The following SORBS2 variants were observed in gnomAD, a reference collection of about 807,000 sequenced individuals.
SORBS2 encodes the protein sorbin and SH3 domain-containing protein 2.
In SORBS2, 46 loss-of-function variants were observed where a neutral mutation model predicts 97.7. The observed-to-expected ratio is 0.47, with a 90% confidence interval of 0.37 to 0.60. The LOEUF (loss-of-function observed/expected upper bound fraction) is 0.60, where lower values mean the gene tolerates loss of function less well. SORBS2 is among the 20% of genes least tolerant of loss of function. The probability of loss-of-function intolerance (pLI) is 0.00; values close to 1 mark genes in which losing one functional copy is unlikely to be tolerated. For synonymous variants in SORBS2, 476 were observed against 473.4 expected, an observed-to-expected ratio of 1.01 and a Z score of -0.07; for missense variants, 1,316 against 1,282.3, an observed-to-expected ratio of 1.03 and a Z score of -0.40.
intron 1 of SORBS2, among the ~76,000 whole-genome samples, chr4:185,938,389 TAC>T (rs34337257): frequency 0.017 from 2,297 of 136,402 alleles, 20 homozygotes; most frequent in Middle Eastern, 0.037. Flanking sequence ...TGTAGACACA[TAC>T]ACACACACAC....
intron 1 of SORBS2, among the ~76,000 whole-genome samples, chr4:185,927,312 C>T (rs1013923408): frequency 6.6e-6 from 1 of 151,502 alleles, no homozygotes. Flanking sequence ...GATACATGTG[C>T]AGAACATGTA....
chr4:185,741,393 C>CTTTTTTTTTTT (rs1210677956), intron 2 of SORBS2, among the ~76,000 whole-genome samples: 2 of 119,566 alleles, frequency 1.7e-5, no homozygotes, highest in African/African-American at 3.1e-5. Context: ...TCTTTCTTTT[C>CTTTTTTTTTTT]TTTTTTTTTT....
chr4:185,845,332 T>C (rs2099213963), intron 1 of SORBS2, among the ~76,000 whole-genome samples: 1 of 152,148 alleles, frequency 6.6e-6, no homozygotes, highest in African/African-American at 2.4e-5. Flanking sequence ...GAAAATGTTT[T>C]TGAAGTAGAT....
intron 2 of SORBS2, among the ~76,000 whole-genome samples, chr4:185,651,030 G>A (rs976759222): frequency 1.3e-5 from 2 of 152,066 alleles, no homozygotes; most frequent in African/African-American, 4.8e-5. Context: ...CTGCTGAAGG[G>A]GAGGGGAGCA....
At chr4:185,596,316 C>A (rs1053792795) in intron 12 of SORBS2, among the ~76,000 whole-genome samples, 5 of 152,082 alleles carry the variant, frequency 3.3e-5, no homozygotes, top group Non-Finnish European at 7.4e-5. Flanking sequence ...AAACAATCAA[C>A]TTTTAAAGTC....
At chr4:185,792,776 T>C (rs557548789) in intron 1 of SORBS2, among the ~76,000 whole-genome samples, 17 of 152,276 alleles carry the variant, frequency 1.1e-4, no homozygotes, top group African/African-American at 2.6e-4. Context: ...GAGAGAATGA[T>C]AAAATGAGAA....
chr4:185,931,924 G>A (rs928903780), intron 1 of SORBS2, among the ~76,000 whole-genome samples: 1 of 151,408 alleles, frequency 6.6e-6, no homozygotes, highest in Non-Finnish European at 1.5e-5. Flanking sequence ...AAAAGTGTGT[G>A]GAAAAGAATT....
chr4:185,955,741 A>G (rs1256023167), intron 1 of SORBS2, among the ~76,000 whole-genome samples: 6 of 152,168 alleles, frequency 3.9e-5, no homozygotes, highest in Admixed American at 6.5e-5. Context: ...CCTAAGGTAG[A>G]AGAATCCTCA....
chr4:185,693,302 C>G (rs1184028195), intron 2 of SORBS2, among the ~76,000 whole-genome samples: 2 of 152,164 alleles, frequency 1.3e-5, no homozygotes, highest in African/African-American at 4.8e-5. Context: ...TTTCTAAAAA[C>G]TCAGCTTGGT....
intron 2 of SORBS2, among the ~76,000 whole-genome samples, chr4:185,760,992 A>G (rs528633720): frequency 6.6e-6 from 1 of 152,378 alleles, no homozygotes; most frequent in South Asian, 2.1e-4. Context: ...CAAACATAAG[A>G]TTTAATTCAT....
intron 6 of SORBS2, among the ~76,000 whole-genome samples, chr4:185,625,054 TA>T (rs1429655810): frequency 2.0e-5 from 3 of 152,350 alleles, no homozygotes; most frequent in South Asian, 4.1e-4. Flanking sequence ...TAAGGCAAAG[TA>T]TTCTCCAAAA....
chr4:185,621,753 T>G (rs57490377), intron 7 of SORBS2, among the ~76,000 whole-genome samples: 30,098 of 152,026 alleles, frequency 0.2, 3,402 homozygotes, highest in African/African-American at 0.31. Context: ...TCTTTTTTTT[T>G]GTCTGAGATT....
intron 1 of SORBS2, among the ~76,000 whole-genome samples, chr4:185,871,709 G>A (rs2099230508): frequency 6.6e-6 from 1 of 152,208 alleles, no homozygotes; most frequent in Non-Finnish European, 1.5e-5. Context: ...GCATATTGCA[G>A]GTCCTGTGAA....
chr4:185,644,047 G>A (rs1249871502), intron 4 of SORBS2, among the ~76,000 whole-genome samples: 1 of 152,120 alleles, frequency 6.6e-6, no homozygotes, highest in East Asian at 1.9e-4. Flanking sequence ...ACGAAGTCAG[G>A]ACTAATTTTT....
At chr4:185,811,221 T>A (rs932495362) in intron 1 of SORBS2, 1 of 152,184 alleles carries the variant, frequency 6.6e-6, no homozygotes, top group African/African-American at 2.4e-5. Flanking sequence ...AGTGTGTACA[T>A]AGCTGTGTTA....
chr4:185,910,166 C>A (rs2099254151), intron 1 of SORBS2, among the ~76,000 whole-genome samples: 2 of 152,110 alleles, frequency 1.3e-5, no homozygotes, highest in Admixed American at 1.3e-4. Context: ...ACAAATGACC[C>A]TGTGTCCTGC....
At chr4:185,719,561 T>G (rs2098495359) in intron 2 of SORBS2, among the ~76,000 whole-genome samples, 1 of 152,202 alleles carries the variant, frequency 6.6e-6, no homozygotes, top group South Asian at 2.1e-4. Flanking sequence ...TTCAAGAACA[T>G]TTGTCTTGAT....
intron 1 of SORBS2, among the ~76,000 whole-genome samples, chr4:185,840,194 A>T (rs897918730): frequency 6.6e-6 from 1 of 152,216 alleles, no homozygotes; most frequent in Non-Finnish European, 1.5e-5. Context: ...GTTCATTTTA[A>T]GAATATTGTT....
intron 8 of SORBS2, among the ~76,000 whole-genome samples, chr4:185,619,021 A>G (rs774574031): frequency 6.6e-6 from 1 of 152,216 alleles, no homozygotes; most frequent in Non-Finnish European, 1.5e-5. Flanking sequence ...AATCATAATA[A>G]AAGGACCAGA....
Sources: allele counts gnomAD v4.1 joint callset (sites outside exome capture counted in the v4.1 genomes callset), GRCh38; gene constraint gnomAD v4.1.1; transcripts MANE v1.5; gene names NCBI Gene and HGNC (gene_info 2026-07-23, HGNC 2026-07-21).